The following DSP variants were observed in gnomAD, a reference collection of about 807,000 sequenced individuals.
The protein encoded by DSP is 250/210 kDa paraneoplastic pemphigus antigen.
A neutral mutation model predicts 290.6 loss-of-function variants in DSP; 114 were observed. The observed-to-expected ratio is 0.39, with a 90% confidence interval of 0.34 to 0.46. The LOEUF (loss-of-function observed/expected upper bound fraction) is 0.46, where lower values mean the gene tolerates loss of function less well. Among genes scored for constraint, DSP ranks in the 20% least tolerant of loss-of-function variants. The pLI, the probability that DSP is intolerant of heterozygous loss-of-function variation, is 0.99. For missense variants in DSP, 3,230 were observed against 3,495.8 expected (o/e 0.92, Z 1.92); for synonymous variants, 1,311 against 1,316.4 (o/e 1.00, Z 0.09).
intron 1 of DSP, among the ~76,000 whole-genome samples, chr6:7,553,982 C>T (rs767816141): frequency 5.3e-5 from 8 of 152,194 alleles, no homozygotes; most frequent in African/African-American, 9.6e-5. Context: ...CCAGGTGCTT[C>T]GGGAGAATTC....
In DSP at chr6:7,582,841, T is replaced by C. The variant is rs1360244764; in HGVS notation, c.5579T>C (p.Ile1860Thr). The C allele has an allele frequency of 6.2e-7, 1 of 1,613,772 alleles. No individual in the cohort carries two copies. Among genetic ancestry groups the C allele is most frequent in the South Asian group, 1.1e-5 (1 of 91,070 alleles). ...CGCCTGGAGTGTGAGAAACAGCAAA[T>C]TCAGAATGACCTGAATCAGTGGAAG... The part of the protein sequence containing the change: ...KQRLECEKQQ[I>T]QNDLNQWKTQ... The change falls in exon 24 of 24, where the codon ATT becomes ACT. Residue 1860 changes from isoleucine to threonine, a missense_variant. Around this residue, in one of 5 missense-constraint regions of DSP, gnomAD observed 1,714 missense variants for 1,844.5 expected, o/e 0.93. Coordinates refer to ENST00000379802, the MANE Select transcript of DSP (RefSeq NM_004415.4). This position sits in a 1 kb window ranked among gnomAD's most constrained non-coding sequence, Gnocchi z 4.2.
Position 7,584,390 on chromosome 6 carries a change from G to A in DSP, c.7128G>A (p.Gly2376=), listed in dbSNP as rs756684406. ...RLLEAQIATG[G]IIDPKESHRL... is the part of the protein sequence containing the mutation. Reference sequence around the variant, plus strand: ...TAGAAGCACAGATCGCAACCGGGGGGATCATTGACCCAAAGGAGAGCCATC... The same window carrying A: ...TAGAAGCACAGATCGCAACCGGGGGAATCATTGACCCAAAGGAGAGCCATC... Residue 2376 remains glycine (G), a synonymous_variant, in exon 24 of 24, where the codon GGG becomes GGA. Transcript: ENST00000379802. This position sits in a 1 kb window ranked among gnomAD's most constrained non-coding sequence, Gnocchi z 6.4. 1 of 1,614,116 alleles carries A rather than the reference G, an allele frequency of 6.2e-7. No individual in the cohort carries two copies. The highest frequency in any genetic ancestry group is 1.1e-5 in the South Asian group (1 of 91,070).
In DSP at chr6:7,574,295, GCTT is replaced by G. The variant is rs1293648378; in HGVS notation, c.2297+47_2297+49del. 4 of 1,597,332 alleles carry G rather than the reference GCTT, an allele frequency of 2.5e-6. No individual in the cohort carries two copies. The African/African-American group carries it at 5.4e-5, about 21-fold the overall frequency. ...TAATCTCATATTTTCCTTTTCTCAA[GCTT>G]CTTTTTCTGGGTCTTCATTTGCTTT... On this transcript the variant is annotated intron_variant, in intron 16 of 23. Coordinates refer to ENST00000379802, the MANE Select transcript of DSP (RefSeq NM_004415.4).
chr6:7,550,573 T>C (rs924755998), intron 1 of DSP, among the ~76,000 whole-genome samples: 1 of 152,150 alleles, frequency 6.6e-6, no homozygotes, highest in African/African-American at 2.4e-5. Context: ...TGAAGGGCTC[T>C]CTATGCAAAT....
chr6:7,567,707 C>T (rs571204166), intron 9 of DSP, 74 bp from the exon 10 acceptor site: 2 of 1,605,162 alleles, frequency 1.2e-6, no homozygotes, highest in Non-Finnish European at 1.7e-6. Context: ...GATGACAATC[C>T]TTGAAACAGA....
intron 9 of DSP, 127 bp downstream of exon 9, chr6:7,567,576 G>A: frequency 8.7e-7 from 1 of 1,145,216 alleles, no homozygotes; most frequent in East Asian, 2.5e-5. Flanking sequence ...GATTTTGAGT[G>A]CAGAGTAGCA....
At chr6:7,554,853 C>T (rs753096904) in intron 1 of DSP, among the ~76,000 whole-genome samples, 16 of 151,842 alleles carry the variant, frequency 1.1e-4, no homozygotes, top group Middle Eastern at 6.8e-3. Context: ...CAGGGTCTTG[C>T]TATGTTGCTC....
chr6:7,583,967 A>T lies in DSP; in HGVS notation c.6705A>T (p.Glu2235Asp), dbSNP rs753046392. 6.2e-6 allele frequency: 10 copies of T among 1,614,190 alleles called. No homozygotes were observed. The highest frequency in any genetic ancestry group is 8.5e-6 in the Non-Finnish European group (10 of 1,180,044). The change falls in exon 24 of 24, where the codon GAA (glutamate) becomes GAT (aspartate). Residue 2235 changes from glutamate (E) to aspartate (D), a missense_variant. Glu to Asp is a conservative substitution (Grantham distance 45). Coordinates refer to ENST00000379802, the MANE Select transcript of DSP (RefSeq NM_004415.4). The surrounding 1 kb of genome is among the most constrained non-coding windows in gnomAD (Gnocchi z 4.0). ...SGILRPSTVN[E>D]LESGQISYDE... ...TATTGAGACCGTCCACTGTCAATGA[A>T]CTGGAATCTGGTCAGATTTCTTATG...
At chr6:7,564,638 A>G (rs550249380) in intron 6 of DSP, among the ~76,000 whole-genome samples, 3 of 152,210 alleles carry the variant, frequency 2.0e-5, no homozygotes, top group Non-Finnish European at 4.4e-5. Flanking sequence ...ATAGTTAATG[A>G]TAATTTATTG....
chr6:7,550,598 C>G lies in DSP; in HGVS notation c.171-5120C>G, dbSNP rs1245460440. Among the ~76,000 whole-genome samples the G allele has an allele frequency of 2.0e-5, 3 of 151,788 alleles. No homozygotes were observed. The East Asian group carries it at 5.8e-4, about 29-fold the overall frequency. On this transcript the variant is annotated intron_variant, in intron 1 of 23. Transcript: ENST00000379802. ...TCTATGCAAATATTTGGAATCCTTACTTGTTTAAACAAGTTTTAGGATGAA... is the reference window on the plus strand; with the variant it reads ...TCTATGCAAATATTTGGAATCCTTAGTTGTTTAAACAAGTTTTAGGATGAA...
chr6:7,579,934 T>C lies in DSP; in HGVS notation c.3744T>C (p.Asp1248=). 6.2e-7 allele frequency: 1 copy of C among 1,614,048 alleles called. No individual in the cohort carries two copies. ...QLDRLSRENR[D]LKDEIVRLND... is the part of the protein sequence containing the mutation. ...ATAGACTTTCAAGGGAAAATCGAGA[T>C]CTGAAGGATGAAATTGTCAGGCTCA... The change falls in exon 23 of 24, where the codon GAT becomes GAC. Residue 1248 remains aspartate, a synonymous_variant. Transcript: ENST00000379802. This position sits in a 1 kb window ranked among gnomAD's most constrained non-coding sequence, Gnocchi z 4.1.
intron 10 of DSP, among the ~76,000 whole-genome samples, 176 bp from the exon 11 acceptor site, chr6:7,568,261 A>G (rs2087492458): frequency 6.6e-6 from 1 of 152,140 alleles, no homozygotes; most frequent in South Asian, 2.1e-4. Context: ...TAGCTTCTGG[A>G]GAGTGTTGTC....
chr6:7,565,707 A>G lies in DSP; in HGVS notation c.939+187A>G. The G allele has an allele frequency of 1.4e-6, 1 of 707,846 alleles. No individual in the cohort carries two copies. Among genetic ancestry groups the G allele is most frequent in the Non-Finnish European group, 2.3e-6 (1 of 428,914 alleles). The allele number at this position is 707,846 out of a possible 1,614,324, so 43.8% of individuals were successfully genotyped here. On this transcript the variant is annotated intron_variant, in intron 7 of 23. Coordinates refer to ENST00000379802, the MANE Select transcript of DSP (RefSeq NM_004415.4). This position sits in a 1 kb window ranked among gnomAD's most constrained non-coding sequence, Gnocchi z 4.2. ...CCGTGTGGAGGCCATTATCCTTAGC[A>G]AACTTATGCGGGAACAGAAAACCAA...
chr6:7,573,036 A>G (rs1759104134), intron 15 of DSP, among the ~76,000 whole-genome samples: 1 of 151,918 alleles, frequency 6.6e-6, no homozygotes, highest in Non-Finnish European at 1.5e-5. Flanking sequence ...TGAGCTCAGG[A>G]GTTGGAGGCT....
intron 4 of DSP, 57 bp downstream of exon 4, chr6:7,559,457 G>C (rs1350794444): frequency 6.2e-7 from 1 of 1,605,644 alleles, no homozygotes; most frequent in Non-Finnish European, 8.5e-7. Context: ...CAGCACGATG[G>C]GGTCAGCCCA....
chr6:7,545,180 T>G (rs1758136908), intron 1 of DSP, among the ~76,000 whole-genome samples: 1 of 152,250 alleles, frequency 6.6e-6, no homozygotes, highest in African/African-American at 2.4e-5. Flanking sequence ...TCTTCAGATC[T>G]CATGATTTCA....
chr6:7,585,822 G>C lies in DSP; in HGVS notation c.8560G>C (p.Gly2854Arg), dbSNP rs769336879. The C allele has an allele frequency of 6.2e-7, 1 of 1,612,416 alleles. No individual in the cohort carries two copies. The highest frequency in any genetic ancestry group is 8.5e-7 in the Non-Finnish European group (1 of 1,179,628). Residue 2854 changes from glycine to arginine, a missense_variant, in exon 24 of 24, where the codon GGG (glycine) becomes CGG (arginine). By Grantham distance (125) the Gly-to-Arg change is moderately radical. Transcript: ENST00000379802. ...GSRRGSFDAT[G>R]NSSYSYSYSF... Reference sequence around the variant, plus strand: ...CCGGAGAGGAAGCTTTGACGCCACAGGGAATTCTTCCTACTCTTATTCCTA... The same window carrying C: ...CCGGAGAGGAAGCTTTGACGCCACACGGAATTCTTCCTACTCTTATTCCTA...
In DSP at chr6:7,579,695, T is replaced by G; in HGVS notation, c.3505T>G (p.Tyr1169Asp). 6.2e-7 allele frequency: 1 copy of G among 1,612,320 alleles called. No individual in the cohort carries two copies. The highest frequency in any genetic ancestry group is 8.5e-7 in the Non-Finnish European group (1 of 1,179,528). The change falls in exon 23 of 24, where the codon TAC (tyrosine) becomes GAC (aspartate). Residue 1169 changes from tyrosine to aspartate, a missense_variant. Tyr to Asp is a radical substitution (Grantham distance 160). Around this residue, in one of 5 missense-constraint regions of DSP, gnomAD observed 1,714 missense variants for 1,844.5 expected, o/e 0.93. Transcript: ENST00000379802. The surrounding 1 kb of genome is among the most constrained non-coding windows in gnomAD (Gnocchi z 4.1). ...ESEKAIKEKE[Y>D]EIERLRVLLQ... Reference sequence around the variant, plus strand: ...TGAGAAAGCCATCAAGGAGAAGGAGTACGAGATTGAAAGGTTGAGGGTTCT... The same window carrying G: ...TGAGAAAGCCATCAAGGAGAAGGAGGACGAGATTGAAAGGTTGAGGGTTCT...
chr6:7,585,767 C>T lies in DSP; in HGVS notation c.8505C>T (p.Ser2835=), dbSNP rs1381413030. The T allele has an allele frequency of 2.5e-6, 4 of 1,607,608 alleles. No homozygotes were observed. The highest frequency in any genetic ancestry group is 1.7e-5 in the Admixed American group (1 of 59,028). The change falls in exon 24 of 24, where the codon TCC becomes TCT. Residue 2835 remains serine (S), a synonymous_variant. Transcript: ENST00000379802. The part of the protein sequence containing the change: ...SRSGSRSGSR[S]GSRSGSRSGS... ...CCGGCTCCCGCTCGGGATCTCGCTC[C>T]GGATCTCGCTCCGGGTCCCGCAGTG...
Sources: gnomAD v4.1 joint callset for allele counts (sites outside exome capture counted in the v4.1 genomes callset) on GRCh38, gnomAD v4.1.1 for gene constraint, gnomAD v4.1.1 regional missense constraint, Gnocchi (gnomAD v3.1) non-coding constraint, MANE v1.5 for transcripts, NCBI Gene and HGNC (gene_info 2026-07-23, HGNC 2026-07-21) for gene names.